Variants in RBFOX1 observed in about 807,000 individuals in gnomAD.
The protein encoded by RBFOX1 is RNA binding fox-1 homolog 1, also known as RNA binding protein fox-1 homolog 1.
RBFOX1 carries 8 observed loss-of-function variants against 57.7 expected under a neutral mutation model. The ratio of observed to expected loss-of-function variants is 0.14; its 90% CI spans 0.08 to 0.25. The LOEUF (loss-of-function observed/expected upper bound fraction) is 0.25, where lower values mean the gene tolerates loss of function less well. Ranked by LOEUF, RBFOX1 falls within the 10% of genes least tolerant of loss-of-function variation. The probability of loss-of-function intolerance (pLI) is 1.00; values close to 1 mark genes in which losing one functional copy is unlikely to be tolerated. For missense variants in RBFOX1, 611 were observed against 548.5 expected (o/e 1.11, Z -1.14); for synonymous variants, 326 against 222.4 (o/e 1.47, Z -4.15).
chr16:5,679,467 T>A (rs546301464), intron 3 of RBFOX1, among the ~76,000 whole-genome samples: 1 of 152,228 alleles, frequency 6.6e-6, no homozygotes, highest in East Asian at 1.9e-4. Context: ...AAGCCCTGCC[T>A]GCATTAGGTA....
chr16:6,963,631 G>A (rs1246240599), intron 3 of RBFOX1, among the ~76,000 whole-genome samples: 4 of 152,192 alleles, frequency 2.6e-5, no homozygotes, highest in Admixed American at 2.0e-4. Flanking sequence ...AAAAGATCCA[G>A]GGGTGCCAGA....
chr16:6,216,460 C>G (rs1202007779), intron 1 of RBFOX1, among the ~76,000 whole-genome samples: 2 of 152,132 alleles, frequency 1.3e-5, no homozygotes, highest in African/African-American at 4.8e-5. Flanking sequence ...AGCTCCCCCT[C>G]TTAATCCGAA....
At chr16:5,257,534 A>G (rs1200262179) in intron 1 of RBFOX1, among the ~76,000 whole-genome samples, 1 of 152,164 alleles carries the variant, frequency 6.6e-6, no homozygotes, top group Non-Finnish European at 1.5e-5. Context: ...TGGACCCAGT[A>G]GGGGCCTGCG....
intron 3 of RBFOX1, among the ~76,000 whole-genome samples, chr16:6,746,245 A>G (rs1367313721): frequency 6.6e-6 from 1 of 152,100 alleles, no homozygotes; most frequent in Non-Finnish European, 1.5e-5. Flanking sequence ...CCTTTTTTTC[A>G]ATAAAAACTC....
chr16:6,291,430 C>G (rs770492261), intron 1 of RBFOX1, among the ~76,000 whole-genome samples: 14 of 152,130 alleles, frequency 9.2e-5, no homozygotes, highest in Non-Finnish European at 1.9e-4. Flanking sequence ...TAGATCTCTT[C>G]CTTAGTTTAC....
At chr16:6,572,590 C>A (rs752326714) in intron 2 of RBFOX1, among the ~76,000 whole-genome samples, 2 of 151,536 alleles carry the variant, frequency 1.3e-5, no homozygotes, top group Non-Finnish European at 2.9e-5. Flanking sequence ...CATCTTCCCA[C>A]CTTCTCTGTC....
intron 4 of RBFOX1, among the ~76,000 whole-genome samples, chr16:7,221,228 T>C (rs1010304108): frequency 6.6e-5 from 10 of 152,310 alleles, no homozygotes; most frequent in African/African-American, 2.4e-4. Context: ...AAAAATAGTT[T>C]GTAAAGTGTT....
At chr16:7,125,085 G>C (rs553121536) in intron 4 of RBFOX1, among the ~76,000 whole-genome samples, 1 of 152,264 alleles carries the variant, frequency 6.6e-6, no homozygotes, top group South Asian at 2.1e-4. Context: ...TCAAAGCTGA[G>C]ATATTTAAAG....
intron 4 of RBFOX1, among the ~76,000 whole-genome samples, chr16:7,169,613 C>G (rs929311185): frequency 6.6e-6 from 1 of 152,150 alleles, no homozygotes; most frequent in Non-Finnish European, 1.5e-5. Context: ...CATTATCAGT[C>G]CCATTTACCA....
At chr16:7,159,116 G>A (rs2152362223) in intron 4 of RBFOX1, among the ~76,000 whole-genome samples, 1 of 152,130 alleles carries the variant, frequency 6.6e-6, no homozygotes, top group Non-Finnish European at 1.5e-5. Flanking sequence ...TATCATACAG[G>A]ATGTAACCTT....
chr16:7,580,370 A>C (rs1372866257), intron 6 of RBFOX1, among the ~76,000 whole-genome samples: 1 of 152,132 alleles, frequency 6.6e-6, no homozygotes, highest in Non-Finnish European at 1.5e-5. Flanking sequence ...GGCACTGTGC[A>C]TTTAGATTTC....
At chr16:5,900,038 A>T (rs1021692486) in intron 4 of RBFOX1, among the ~76,000 whole-genome samples, 1 of 152,234 alleles carries the variant, frequency 6.6e-6, no homozygotes, top group Non-Finnish European at 1.5e-5. Flanking sequence ...AGATTGTGCC[A>T]CTGCACTCCA....
At chr16:6,831,949 G>A (rs1186584960) in intron 3 of RBFOX1, among the ~76,000 whole-genome samples, 1 of 152,182 alleles carries the variant, frequency 6.6e-6, no homozygotes, top group African/African-American at 2.4e-5. Context: ...GAATAAAATT[G>A]CTATTGCAAA....
At chr16:5,704,931 A>C (rs982397219) in intron 3 of RBFOX1, among the ~76,000 whole-genome samples, 1 of 152,162 alleles carries the variant, frequency 6.6e-6, no homozygotes, top group Non-Finnish European at 1.5e-5. Context: ...TCAACCAAAA[A>C]GTCATATGGG....
intron 2 of RBFOX1, among the ~76,000 whole-genome samples, chr16:6,580,595 G>T (rs1369162336): frequency 2.6e-5 from 4 of 152,108 alleles, no homozygotes; most frequent in Non-Finnish European, 5.9e-5. Context: ...TCACAGGGGG[G>T]GATGCATAAT....
At chr16:6,933,329 C>G (rs1037537408) in intron 3 of RBFOX1, among the ~76,000 whole-genome samples, 1 of 152,192 alleles carries the variant, frequency 6.6e-6, no homozygotes, top group South Asian at 2.1e-4. Context: ...TTTTCCGTAG[C>G]ACTGCATCAT....
chr16:6,331,442 A>AG (rs1297626435), intron 2 of RBFOX1, among the ~76,000 whole-genome samples: 2 of 151,506 alleles, frequency 1.3e-5, no homozygotes, highest in Non-Finnish European at 2.9e-5. Context: ...ATGAAGAAAA[A>AG]AAGTCTGGGA....
At chr16:7,230,965 G>A (rs141985537) in intron 4 of RBFOX1, among the ~76,000 whole-genome samples, 4 of 152,194 alleles carry the variant, frequency 2.6e-5, no homozygotes, top group African/African-American at 4.8e-5. Flanking sequence ...ACTGGTTTCC[G>A]AAGCTGGGTC....
At chr16:7,072,488 A>G (rs2057528409) in intron 4 of RBFOX1, among the ~76,000 whole-genome samples, 1 of 152,208 alleles carries the variant, frequency 6.6e-6, no homozygotes, top group African/African-American at 2.4e-5. Context: ...ACTGCCTATA[A>G]CATAGTAGAA....
Sources: gnomAD v4.1 joint callset for allele counts (sites outside exome capture counted in the v4.1 genomes callset) on GRCh38, gnomAD v4.1.1 for gene constraint, MANE v1.5 for transcripts, NCBI Gene and HGNC (gene_info 2026-07-23, HGNC 2026-07-21) for gene names.